Variants in DMBT1 observed in about 807,000 individuals in gnomAD.
The protein encoded by DMBT1 is deleted in malignant brain tumors 1.
Under a neutral mutation model 252.9 loss-of-function variants are expected in DMBT1, and 198 were observed. That is an observed-to-expected ratio of 0.78 (90% CI 0.70 to 0.88). The LOEUF (loss-of-function observed/expected upper bound fraction) is 0.88. Ranked by LOEUF, DMBT1 falls within the 40% of genes least tolerant of loss-of-function variation. The probability of loss-of-function intolerance (pLI) is 0.00; values close to 1 mark genes in which losing one functional copy is unlikely to be tolerated. For synonymous variants in DMBT1, 990 were observed against 942.7 expected (o/e 1.05, Z -0.92); for missense variants, 2,432 against 2,404.7 (o/e 1.01, Z -0.24).
At chr10:122,617,104 A>G in intron 39 of DMBT1, 124 bp from the exon 40 acceptor site, 1 of 1,148,552 alleles carries the variant, frequency 8.7e-7, no homozygotes, top group South Asian at 1.2e-5. Context: ...ACACATGGGA[A>G]GCAAGTGGCA....
intron 9 of DMBT1, 91 bp downstream of exon 9, chr10:122,578,850 G>T (rs142921615): frequency 7.4e-7 from 1 of 1,344,594 alleles, no homozygotes; most frequent in Non-Finnish European, 1.0e-6. Flanking sequence ...GCCATAAAGA[G>T]AGGTGGGGAA....
intron 27 of DMBT1, among the ~76,000 whole-genome samples, 172 bp downstream of exon 27, chr10:122,600,265 C>T (rs2097934285): frequency 6.7e-6 from 1 of 150,352 alleles, no homozygotes; most frequent in African/African-American, 2.5e-5. Flanking sequence ...TTTAAACACA[C>T]ACAGGATTGA....
chr10:122,630,370 A>G lies in DMBT1; in HGVS notation c.5905A>G (p.Ile1969Val). 6.2e-7 allele frequency: 1 copy of G among 1,613,936 alleles called. No homozygotes were observed. Among genetic ancestry groups the G allele is most frequent in the Non-Finnish European group, 8.5e-7 (1 of 1,179,882 alleles). ...GAATAGCAGTCTCCTGCTGGGGAAA[A>G]TCTGTAATGATACCAGGCAAATATT... Reference protein sequence around the residue: ...SLNSSLLLGKICNDTRQIFTS... With the variant: ...SLNSSLLLGKVCNDTRQIFTS... Residue 1969 changes from isoleucine to valine, a missense_variant, in exon 48 of 56, where the codon ATC (isoleucine) becomes GTC (valine). Coordinates refer to ENST00000338354, the MANE Select transcript of DMBT1 (RefSeq NM_001377530.1).
intron 21 of DMBT1, among the ~76,000 whole-genome samples, 200 bp from the exon 22 acceptor site, chr10:122,594,296 G>T (rs537363926): frequency 2.3e-5 from 3 of 132,032 alleles, no homozygotes; most frequent in Non-Finnish European, 3.4e-5. Context: ...GAAATGGAGG[G>T]CTCAGTCTGG....
intron 47 of DMBT1, 109 bp downstream of exon 47, chr10:122,630,102 A>G (rs1435921933): frequency 3.3e-6 from 5 of 1,501,190 alleles, no homozygotes; most frequent in East Asian, 4.5e-5. Flanking sequence ...TGCCATGGAC[A>G]AGCTTTTGGT....
At chr10:122,585,149 C>G in intron 14 of DMBT1, 122 bp from the exon 15 acceptor site, 1 of 1,307,118 alleles carries the variant, frequency 7.7e-7, no homozygotes, top group Non-Finnish European at 1.1e-6. Context: ...ACATGGGGAG[C>G]AAAGTGGCAG....
intron 3 of DMBT1, 57 bp from the exon 4 acceptor site, chr10:122,570,833 C>A (rs1481652289): frequency 2.5e-6 from 4 of 1,589,526 alleles, no homozygotes; most frequent in South Asian, 2.2e-5. Context: ...AGCCATGGAC[C>A]AACCCTCCCC....
At chr10:122,619,191 T>C in intron 41 of DMBT1, 117 bp from the exon 42 acceptor site, 1 of 1,306,730 alleles carries the variant, frequency 7.7e-7, no homozygotes, top group Non-Finnish European at 1.1e-6. Flanking sequence ...CCTCCCTCTG[T>C]GATAGGGACT....
Position 122,591,461 on chromosome 10 carries a change from C to T in DMBT1, c.2138-18C>T, listed in dbSNP as rs201271926. The T allele has an allele frequency of 2.0e-5, 31 of 1,585,286 alleles. 8 individuals carry two copies. In the East Asian group the frequency reaches 7.3e-4, roughly 37 times the overall value. Reference sequence around the variant, plus strand: ...CCTCAACTTTAATTCTAGCCTTTGTCTTTGTTGCAATTTACAGACACGTTG... The same window carrying T: ...CCTCAACTTTAATTCTAGCCTTTGTTTTTGTTGCAATTTACAGACACGTTG... On this transcript the variant is annotated intron_variant, in intron 18 of 55. Coordinates refer to ENST00000338354, the MANE Select transcript of DMBT1 (RefSeq NM_001377530.1).
At chr10:122,624,838 A>T (rs985114403) in intron 44 of DMBT1, among the ~76,000 whole-genome samples, 2 of 152,212 alleles carry the variant, frequency 1.3e-5, no homozygotes, top group Admixed American at 6.5e-5. Context: ...ATGCTGTGTC[A>T]TCTGTTCAGA....
At chr10:122,628,721 CA>C (rs934985043) in intron 46 of DMBT1, among the ~76,000 whole-genome samples, 1 of 152,004 alleles carries the variant, frequency 6.6e-6, no homozygotes, top group Non-Finnish European at 1.5e-5. Context: ...AGAAGTCAGT[CA>C]AAAAAACTAC....
In DMBT1 at chr10:122,598,791, G is replaced by A. The variant is rs1465750489; in HGVS notation, c.2974G>A (p.Ala992Thr). The change falls in exon 26 of 56, where the codon GCC (alanine) becomes ACC (threonine). Residue 992 changes from alanine to threonine, a missense_variant. Coordinates refer to ENST00000338354, the MANE Select transcript of DMBT1 (RefSeq NM_001377530.1). ...ASTVGSESSL[A>T]LRLVNGGDRC... ...CCCTGTAGGATCTGAATCCAGTTTG[G>A]CCCTGAGGCTGGTGAATGGAGGTGA... is the stretch of plus-strand genomic sequence containing the variant. 9.3e-6 allele frequency: 15 copies of A among 1,613,314 alleles called. No homozygotes were observed. The highest frequency in any genetic ancestry group is 1.3e-5 in the Non-Finnish European group (15 of 1,179,726).
chr10:122,593,225 C>T (rs940869181), intron 20 of DMBT1, among the ~76,000 whole-genome samples: 5 of 148,740 alleles, frequency 3.4e-5, no homozygotes, highest in South Asian at 2.3e-4. Context: ...TGCCTGTGGT[C>T]GGGGCTTGAA....
At chr10:122,598,259 G>T (rs2097903609) in intron 25 of DMBT1, among the ~76,000 whole-genome samples, 3 of 152,102 alleles carry the variant, frequency 2.0e-5, no homozygotes, top group African/African-American at 4.8e-5. Context: ...TCATCCAGGT[G>T]CTGAGGAAAA....
intron 1 of DMBT1, among the ~76,000 whole-genome samples, chr10:122,564,423 G>A (rs1372613555): frequency 6.6e-6 from 1 of 152,170 alleles, no homozygotes; most frequent in Non-Finnish European, 1.5e-5. Context: ...GGGCAATAGA[G>A]CAAGACTCTA....
At chr10:122,572,506 G>T in intron 5 of DMBT1, 145 bp downstream of exon 5, 1 of 1,142,144 alleles carries the variant, frequency 8.8e-7, no homozygotes, top group Non-Finnish European at 1.3e-6. Context: ...ACCTTGTGCT[G>T]TGTATGTGCA....
intron 1 of DMBT1, 66 bp from the exon 2 acceptor site, chr10:122,565,901 A>G: frequency 6.4e-7 from 1 of 1,563,456 alleles, no homozygotes; most frequent in South Asian, 1.1e-5. Flanking sequence ...GCTAAAGCCA[A>G]TTTCTGTGAC....
In DMBT1 at chr10:122,635,992, C is replaced by A. The variant is rs777622215; in HGVS notation, c.6550C>A (p.Leu2184Ile). The change falls in exon 53 of 56, where the codon CTT becomes ATT. Residue 2184 changes from leucine to isoleucine, a missense_variant and splice_region_variant. This residue lies in a region of DMBT1 where 1,162 missense variants were observed against 1,169.0 expected (regional missense o/e 0.99). Transcript: ENST00000338354. ...AAATGGTGTGTCCTCTCTCTGCAGG[C>A]TTGAAGGTGGCTGCAACTATGATTA... ...RVTVIFRDVQ[L>I]EGGCNYDYIE... 6 of 1,613,790 alleles carry A rather than the reference C, an allele frequency of 3.7e-6. No individual in the cohort carries two copies. The East Asian group carries it at 1.3e-4, about 36-fold the overall frequency.
chr10:122,580,474 C>T (rs1482875392), intron 10 of DMBT1, among the ~76,000 whole-genome samples: 3 of 152,206 alleles, frequency 2.0e-5, no homozygotes, highest in Non-Finnish European at 4.4e-5. Flanking sequence ...GAGGGGAGGG[C>T]AGTCCCCATG....
Sources: gnomAD v4.1 joint callset for allele counts (sites outside exome capture counted in the v4.1 genomes callset) on GRCh38, gnomAD v4.1.1 for gene constraint, gnomAD v4.1.1 regional missense constraint, MANE v1.5 for transcripts, NCBI Gene and HGNC (gene_info 2026-07-23, HGNC 2026-07-21) for gene names.